KIAA1217: variants seen among roughly 807,000 people sequenced by gnomAD.
KIAA1217 encodes the protein sickle tail protein homolog.
KIAA1217 carries 88 observed loss-of-function variants against 163.9 expected under a neutral mutation model. That is an observed-to-expected ratio of 0.54 (90% CI 0.45 to 0.64). The LOEUF is 0.64. KIAA1217 is among the 30% of genes least tolerant of loss of function. The probability of loss-of-function intolerance (pLI) is 0.00; values close to 1 mark genes in which losing one functional copy is unlikely to be tolerated. For missense variants in KIAA1217, 2,372 were observed against 2,475.0 expected (o/e 0.96, Z 0.88); for synonymous variants, 903 against 923.1 (o/e 0.98, Z 0.39).
In KIAA1217 at chr10:24,520,269, G is replaced by A. The variant is rs998095756; in HGVS notation, c.2308+16G>A. 6.2e-7 allele frequency: 1 copy of A among 1,613,648 alleles called. No homozygotes were observed. The highest frequency in any genetic ancestry group is 1.3e-5 in the African/African-American group (1 of 74,910). Reference sequence around the variant, plus strand: ...ACCCTGAAAGGTAAACTTTCTGCTGGGTCGGGGGAGGAGTCTGAGCTGTCT... The same window carrying A: ...ACCCTGAAAGGTAAACTTTCTGCTGAGTCGGGGGAGGAGTCTGAGCTGTCT... On this transcript the variant is annotated intron_variant, in intron 11 of 20. Coordinates refer to ENST00000376454, the MANE Select transcript of KIAA1217 (RefSeq NM_019590.5).
intron 2 of KIAA1217, among the ~76,000 whole-genome samples, chr10:24,129,843 G>T (rs1488727095): frequency 6.6e-6 from 1 of 151,804 alleles, no homozygotes; most frequent in African/African-American, 2.4e-5. Flanking sequence ...CCATTCCATT[G>T]ACTTATTATT....
At chr10:24,381,181 C>T in intron 3 of KIAA1217, 114 bp downstream of exon 3, 3 of 784,360 alleles carry the variant, frequency 3.8e-6, no homozygotes, top group Non-Finnish European at 5.5e-6. Flanking sequence ...TTTGCAAATA[C>T]TCTAGTACTG....
At chr10:23,809,378 C>T in intron 1 of KIAA1217, among the ~76,000 whole-genome samples, 1 of 151,698 alleles carries the variant, frequency 6.6e-6, no homozygotes, top group Non-Finnish European at 1.5e-5. Flanking sequence ...AATTAAGATT[C>T]CATGTGAAAC....
chr10:23,728,350 C>T (rs11013665), intron 1 of KIAA1217, among the ~76,000 whole-genome samples: 31,454 of 151,946 alleles, frequency 0.21, 3,433 homozygotes, highest in Middle Eastern at 0.26. Context: ...TTTTAATGAT[C>T]GCTATTCTAA....
chr10:23,817,270 A>G (rs923437087), intron 1 of KIAA1217, among the ~76,000 whole-genome samples: 2 of 152,216 alleles, frequency 1.3e-5, no homozygotes, highest in African/African-American at 4.8e-5. Flanking sequence ...ATAAGACAGG[A>G]TGATATATAC....
At chr10:23,964,839 G>A (rs1305588317) in intron 1 of KIAA1217, among the ~76,000 whole-genome samples, 1 of 152,286 alleles carries the variant, frequency 6.6e-6, no homozygotes, top group East Asian at 1.9e-4. Flanking sequence ...ACAGGCGTGA[G>A]CCACCATGCC....
At chr10:23,789,016 C>G (rs1203755332) in intron 1 of KIAA1217, among the ~76,000 whole-genome samples, 1 of 152,108 alleles carries the variant, frequency 6.6e-6, no homozygotes, top group African/African-American at 2.4e-5. Flanking sequence ...CTGGCATTTG[C>G]CAATAAAAGG....
intron 2 of KIAA1217, among the ~76,000 whole-genome samples, chr10:24,071,385 C>T (rs2061181720): frequency 6.6e-6 from 1 of 152,094 alleles, no homozygotes; most frequent in South Asian, 2.1e-4. Context: ...ATTGGATATC[C>T]TAATGTTAGC....
intron 2 of KIAA1217, among the ~76,000 whole-genome samples, chr10:24,161,679 T>TG (rs2065127400): frequency 6.6e-6 from 1 of 152,238 alleles, no homozygotes; most frequent in South Asian, 2.1e-4. Context: ...GAGTTGACGC[T>TG]GTTACCATTA....
At chr10:24,423,360 T>C (rs2058911170) in intron 3 of KIAA1217, among the ~76,000 whole-genome samples, 1 of 151,318 alleles carries the variant, frequency 6.6e-6, no homozygotes, top group Non-Finnish European at 1.5e-5. Context: ...TCTCGGCTCA[T>C]TGCAGCCACT....
At chr10:24,267,711 G>A (rs999228762) in intron 2 of KIAA1217, among the ~76,000 whole-genome samples, 1 of 152,184 alleles carries the variant, frequency 6.6e-6, no homozygotes, top group African/African-American at 2.4e-5. Context: ...GTATTTTGTA[G>A]TTAATGCTTA....
intron 2 of KIAA1217, among the ~76,000 whole-genome samples, chr10:24,336,197 G>A (rs543094517): frequency 8.5e-5 from 13 of 152,160 alleles, no homozygotes; most frequent in Non-Finnish European, 1.5e-4. Context: ...ACCCGAGACC[G>A]GGCCATTGCA....
intron 2 of KIAA1217, among the ~76,000 whole-genome samples, chr10:24,297,750 T>G (rs773642835): frequency 6.6e-6 from 1 of 151,970 alleles, no homozygotes; most frequent in Non-Finnish European, 1.5e-5. Flanking sequence ...AACAAGACTC[T>G]GTCTCAAAAA....
rs1564533166 is a variant in KIAA1217, at chr10:24,359,060, CTTTTCTTTTCTTTCTTTCTTTCT to C, written c.355-21804_355-21782del. ...CTAATACTTTCTTTCTTTCTTTTTT[CTTTTCTTTTCTTTCTTTCTTTCT>C]TTTTTTTTTTTTTTTTGTTTTTTTG... On this transcript the variant is annotated intron_variant, in intron 2 of 20. Coordinates refer to ENST00000376454, the MANE Select transcript of KIAA1217 (RefSeq NM_019590.5). Among the ~76,000 whole-genome samples the C allele has an allele frequency of 7.4e-4, 104 of 139,786 alleles. No homozygotes were observed. In the South Asian group the frequency reaches 0.01, roughly 14 times the overall value. The allele number at this position is 139,786 out of a possible 152,430, so 91.7% of individuals were successfully genotyped here. A position where few individuals can be genotyped will look rare whatever the true frequency, so the allele number is the denominator to read the frequency against.
chr10:24,476,735 T>A (rs569042307), intron 6 of KIAA1217, among the ~76,000 whole-genome samples: 1 of 152,202 alleles, frequency 6.6e-6, no homozygotes, highest in East Asian at 1.9e-4. Flanking sequence ...TCAGCTTATC[T>A]CCAGAGGGTG....
chr10:24,281,174 T>C lies in KIAA1217; in HGVS notation c.354+61265T>C, dbSNP rs145152169. Among the ~76,000 whole-genome samples the C allele has an allele frequency of 1.3e-3, 205 of 152,344 alleles. 3 individuals carry two copies. The highest frequency in any genetic ancestry group is 4.4e-3 in the African/African-American group (184 of 41,568). On this transcript the variant is annotated intron_variant, in intron 2 of 20. Coordinates refer to ENST00000376454, the MANE Select transcript of KIAA1217 (RefSeq NM_019590.5). The stretch of plus-strand genomic sequence containing the variant: ...CCCACATACAATGTATGCAGTCTAC[T>C]CTAGTATTAGCATCTTACATCAATA...
chr10:24,048,072 C>A (rs1391493588), intron 2 of KIAA1217, among the ~76,000 whole-genome samples: 1 of 152,066 alleles, frequency 6.6e-6, no homozygotes, highest in South Asian at 2.1e-4. Flanking sequence ...CCTTTAGGAC[C>A]AATTCCACTC....
chr10:24,339,148 C>T (rs191047346), intron 2 of KIAA1217, among the ~76,000 whole-genome samples: 34 of 152,300 alleles, frequency 2.2e-4, no homozygotes, highest in Non-Finnish European at 4.1e-4. Flanking sequence ...TGATCTCCCC[C>T]GTTCTCACAC....
rs143081043 is a variant in KIAA1217 at position 24,535,755 on chromosome 10, C to T, written c.3415-1019C>T. 1.5e-3 allele frequency among the ~76,000 whole-genome samples: 227 copies of T among 151,916 alleles called. 3 individuals carry two copies. The East Asian group carries it at 0.04, about 27-fold the overall frequency. On this transcript the variant is annotated intron_variant, in intron 16 of 20. Transcript: ENST00000376454. ...TCTCACCACTGCACTCCAGCGTGGG[C>T]GACAGGGAGAGACTCTGCCTCAAAT...
Sources: allele counts gnomAD v4.1 joint callset (sites outside exome capture counted in the v4.1 genomes callset), GRCh38; gene constraint gnomAD v4.1.1; transcripts MANE v1.5; gene names NCBI Gene and HGNC (gene_info 2026-07-23, HGNC 2026-07-21).